Variants in TNFRSF1B observed in about 807,000 individuals in gnomAD.
TNFRSF1B encodes TNF receptor superfamily member 1B.
In TNFRSF1B, 19 loss-of-function variants were observed where a neutral mutation model predicts 44.6. The observed-to-expected ratio is 0.43, with a 90% confidence interval of 0.30 to 0.62. The LOEUF (loss-of-function observed/expected upper bound fraction) is 0.62, where lower values mean the gene tolerates loss of function less well. TNFRSF1B is among the 20% of genes least tolerant of loss of function. TNFRSF1B has a pLI of 0.16. For synonymous variants in TNFRSF1B, 252 were observed against 261.1 expected, an observed-to-expected ratio of 0.97 and a Z score of 0.34; for missense variants, 541 against 619.9, an observed-to-expected ratio of 0.87 and a Z score of 1.35.
intron 1 of TNFRSF1B, among the ~76,000 whole-genome samples, chr1:12,174,248 CTCCTTCTCCTT>C (rs1638599843): frequency 6.8e-6 from 1 of 146,186 alleles, no homozygotes; most frequent in Admixed American, 7.0e-5. Context: ...CCTTCTCCTT[CTCCTTCTCCTT>C]CTTCTTCTGA....
chr1:12,203,351 G>C (rs1478508570), intron 9 of TNFRSF1B, among the ~76,000 whole-genome samples: 1 of 152,148 alleles, frequency 6.6e-6, no homozygotes, highest in African/African-American at 2.4e-5. Flanking sequence ...CCGCCTCCAG[G>C]TGGGGACTGA....
chr1:12,185,224 A>G (rs542564016), intron 1 of TNFRSF1B, among the ~76,000 whole-genome samples: 46 of 152,252 alleles, frequency 3.0e-4, no homozygotes, highest in African/African-American at 1.1e-3. Flanking sequence ...CCCCTCCCCC[A>G]GGTCACCTTG....
intron 1 of TNFRSF1B, among the ~76,000 whole-genome samples, chr1:12,184,716 C>A (rs1233101380): frequency 6.6e-6 from 1 of 152,206 alleles, no homozygotes; most frequent in Non-Finnish European, 1.5e-5. Context: ...CCCTTTGAGC[C>A]CTGATGGGAA....
rs5746048 is a variant in TNFRSF1B, at chr1:12,200,810, G to A, written c.901-1157G>A. ...CTAATTTTGTATTTTTAGTAGAGAC[G>A]GGGTTTTGCCATGTTGGTCAGGCTG... On this transcript the variant is annotated intron_variant, in intron 8 of 9. Transcript: ENST00000376259. Among the ~76,000 whole-genome samples the A allele has an allele frequency of 9.1e-3, 1,377 of 152,044 alleles. 18 individuals carry two copies. Among genetic ancestry groups the A allele is most frequent in the African/African-American group, 0.031 (1,296 of 41,466 alleles).
In TNFRSF1B at chr1:12,191,699, G is replaced by A. The variant is rs188039160; in HGVS notation, c.308-75G>A. 1.9e-6 allele frequency: 3 copies of A among 1,587,372 alleles called. No homozygotes were observed. In the South Asian group the frequency reaches 3.4e-5, roughly 18 times the overall value. On this transcript the variant is annotated intron_variant, in intron 3 of 9. Coordinates refer to ENST00000376259, the MANE Select transcript of TNFRSF1B (RefSeq NM_001066.3). The stretch of plus-strand genomic sequence containing the variant: ...TCCTGGAGATCCGCTGTCTGAGAGT[G>A]CTGGGCTGTCTGGGAGGGCAGCGTG...
In TNFRSF1B at chr1:12,180,732, T is replaced by A. The variant is rs1638781100; in HGVS notation, c.79-8064T>A. ...GTGTGCAGGGAGGGTGGAACCTGAC[T>A]GACCGGGTCAGCCTTACTCTTCCAG... On this transcript the variant is annotated intron_variant, in intron 1 of 9. Transcript: ENST00000376259. This position sits in a 1 kb window ranked among gnomAD's most constrained non-coding sequence, Gnocchi z 4.3. Among the ~76,000 whole-genome samples the A allele has an allele frequency of 6.6e-6, 1 of 152,182 alleles. No homozygotes were observed. Among genetic ancestry groups the A allele is most frequent in the African/African-American group, 2.4e-5 (1 of 41,436 alleles).
At chr1:12,193,923 T>C in intron 6 of TNFRSF1B, 32 bp from the exon 7 acceptor site, 1 of 1,595,990 alleles carries the variant, frequency 6.3e-7, no homozygotes, top group East Asian at 2.2e-5. Flanking sequence ...GTTTGTTTTC[T>C]GTAGCTGTCT....
Position 12,202,020 on chromosome 1 carries a change from C to A in TNFRSF1B, c.954C>A (p.His318Gln). 6.2e-7 allele frequency: 1 copy of A among 1,612,984 alleles called. No homozygotes were observed. Among genetic ancestry groups the A allele is most frequent in the Non-Finnish European group, 8.5e-7 (1 of 1,179,800 alleles). ...ARGTQGPEQQ[H>Q]LLITAPSSSS... ...GTACACAGGGCCCCGAGCAGCAGCA[C>A]CTGCTGATCACAGCGCCGAGCTCCA... The change falls in exon 9 of 10, where the codon CAC becomes CAA. Residue 318 changes from histidine (H) to glutamine (Q), a missense_variant. Coordinates refer to ENST00000376259, the MANE Select transcript of TNFRSF1B (RefSeq NM_001066.3).
chr1:12,181,569 C>G (rs1265256800), intron 1 of TNFRSF1B, among the ~76,000 whole-genome samples: 2 of 152,166 alleles, frequency 1.3e-5, no homozygotes, highest in African/African-American at 2.4e-5. Flanking sequence ...ACAGAGCATG[C>G]CACGCACCTC....
intron 8 of TNFRSF1B, among the ~76,000 whole-genome samples, chr1:12,194,843 G>A (rs1038929551): frequency 3.3e-5 from 5 of 152,244 alleles, no homozygotes; most frequent in African/African-American, 1.2e-4. Context: ...CCTTCGTGGC[G>A]TTCGTGGCAG....
In TNFRSF1B at chr1:12,180,238, T is replaced by G. The variant is rs915107258; in HGVS notation, c.79-8558T>G. ...TAAGGCCAGGAGTTCAAGACCAGTC[T>G]GGACAACATAGCAAGACCCGGTCTC... On this transcript the variant is annotated intron_variant, in intron 1 of 9. Transcript: ENST00000376259. The surrounding 1 kb of genome is among the most constrained non-coding windows in gnomAD (Gnocchi z 4.3). Among the ~76,000 whole-genome samples the G allele has an allele frequency of 3.9e-5, 6 of 152,290 alleles. No individual in the cohort carries two copies. Among genetic ancestry groups the G allele is most frequent in the Admixed American group, 3.9e-4 (6 of 15,292 alleles).
intron 1 of TNFRSF1B, among the ~76,000 whole-genome samples, chr1:12,183,739 A>ATCTATCTATCTATCTATCTATCTATCTAT (rs1638894212): frequency 8.1e-6 from 1 of 124,136 alleles, no homozygotes; most frequent in African/African-American, 2.8e-5. Flanking sequence ...CTATCTATCT[A>ATCTATCTATCTATCTATCTATCTATCTAT]TCTATCTATC....
At chr1:12,191,438 C>G (rs1267095551) in intron 3 of TNFRSF1B, among the ~76,000 whole-genome samples, 1 of 151,122 alleles carries the variant, frequency 6.6e-6, no homozygotes, top group Non-Finnish European at 1.5e-5. Context: ...CGGGGAGGAG[C>G]GGCACTGCGG....
intron 1 of TNFRSF1B, among the ~76,000 whole-genome samples, chr1:12,176,192 C>T (rs1211580363): frequency 6.6e-6 from 1 of 152,194 alleles, no homozygotes; most frequent in African/African-American, 2.4e-5. Flanking sequence ...GCACTCCAGT[C>T]TGGGTGACAG....
At position 12,169,382 on chromosome 1, in the gene TNFRSF1B, G is replaced by A. The variant is rs480602; in HGVS notation, c.78+2213G>A. Reference sequence around the variant, plus strand: ...AAATTTCACTGAAACCTCCCTTACAGCAACTCCCAAGAGGTGGGTGGTGCC... The same window carrying A: ...AAATTTCACTGAAACCTCCCTTACAACAACTCCCAAGAGGTGGGTGGTGCC... On this transcript the variant is annotated intron_variant, in intron 1 of 9. Transcript: ENST00000376259. The surrounding 1 kb of genome is among the most constrained non-coding windows in gnomAD (Gnocchi z 4.5). Among the ~76,000 whole-genome samples, 964 of 152,272 alleles carry A rather than the reference G, an allele frequency of 6.3e-3. 8 individuals are homozygous for A. Among genetic ancestry groups the A allele is most frequent in the African/African-American group, 0.022 (895 of 41,548 alleles).
chr1:12,173,639 C>G (rs1638568733), intron 1 of TNFRSF1B, among the ~76,000 whole-genome samples: 1 of 152,220 alleles, frequency 6.6e-6, no homozygotes, highest in Non-Finnish European at 1.5e-5. Flanking sequence ...TGGGAACCCA[C>G]AGGTTCAAGG....
At chr1:12,193,840 C>T (rs771437831) in intron 6 of TNFRSF1B, 115 bp from the exon 7 acceptor site, 217 of 748,816 alleles carry the variant, frequency 2.9e-4, no homozygotes, top group Non-Finnish European at 3.5e-4. Flanking sequence ...CCGGCCTAGA[C>T]TCGCCCCTCA....
chr1:12,182,103 C>G (rs1256833325), intron 1 of TNFRSF1B, among the ~76,000 whole-genome samples: 1 of 152,214 alleles, frequency 6.6e-6, no homozygotes, highest in South Asian at 2.1e-4. Flanking sequence ...CCCAGTCTTC[C>G]TGGCCAGGGA....
chr1:12,174,160 T>TCTCCTC (rs61393750), intron 1 of TNFRSF1B, among the ~76,000 whole-genome samples: 1 of 67,832 alleles, frequency 1.5e-5, no homozygotes, highest in Non-Finnish European at 3.0e-5. Context: ...TTCTTCTTCT[T>TCTCCTC]CTTCTCCTTC....
Sources: allele counts gnomAD v4.1 joint callset (sites outside exome capture counted in the v4.1 genomes callset), GRCh38; gene constraint gnomAD v4.1.1; non-coding constraint Gnocchi (gnomAD v3.1); transcripts MANE v1.5; gene names NCBI Gene and HGNC (gene_info 2026-07-23, HGNC 2026-07-21).